The following ATXN1 variants were observed in gnomAD, a reference collection of about 807,000 sequenced individuals.
ATXN1 encodes ataxin-1.
Under a neutral mutation model 56.4 loss-of-function variants are expected in ATXN1, and 8 were observed. The observed-to-expected ratio is 0.14, with a 90% CI of 0.08 to 0.26. The LOEUF is 0.26. ATXN1 is among the 10% of genes least tolerant of loss of function. The pLI is 1.00. For missense variants in ATXN1, 987 were observed against 1,106.5 expected, an observed-to-expected ratio of 0.89 and a Z score of 1.53; for synonymous variants, 514 against 494.6, an observed-to-expected ratio of 1.04 and a Z score of -0.52.
At chr6:16,371,285 T>C (rs1762035462) in intron 6 of ATXN1, among the ~76,000 whole-genome samples, 1 of 152,052 alleles carries the variant, frequency 6.6e-6, no homozygotes, top group Non-Finnish European at 1.5e-5. Flanking sequence ...TAGGAGCTAA[T>C]ACATGAGATA....
At chr6:16,589,743 G>A (rs1762689719) in intron 3 of ATXN1, among the ~76,000 whole-genome samples, 1 of 152,120 alleles carries the variant, frequency 6.6e-6, no homozygotes, top group African/African-American at 2.4e-5. Flanking sequence ...CAACTAAGCT[G>A]AATTTACAAC....
intron 6 of ATXN1, among the ~76,000 whole-genome samples, chr6:16,332,789 T>C (rs1179960383): frequency 6.6e-6 from 1 of 152,214 alleles, no homozygotes; most frequent in Non-Finnish European, 1.5e-5. Context: ...TAACTATCTC[T>C]CTATCATAAT....
At chr6:16,316,866 T>TTTTTTTTTTTTTTTTTTTTTTTTG (rs1760523615) in intron 7 of ATXN1, among the ~76,000 whole-genome samples, 1 of 35,092 alleles carries the variant, frequency 2.8e-5, no homozygotes, top group Non-Finnish European at 6.7e-5. Flanking sequence ...ACTGCCTGTC[T>TTTTTTTTTTTTTTTTTTTTTTTTG]TTTTTTTTTT....
In ATXN1 at chr6:16,326,904, C is replaced by T; in HGVS notation, c.1407G>A (p.Gln469=). 1.2e-6 allele frequency: 2 copies of T among 1,613,230 alleles called. No homozygotes were observed. The highest frequency in any genetic ancestry group is 1.7e-6 in the Non-Finnish European group (2 of 1,179,456). ...PPVIGYLSGQ[Q]QAITYAGSLP... ...GGCTGCCGGCGTAGGTGATTGCTTG[C>T]TGCTGGCCGCTCAGGTAGCCGATGA... Residue 469 remains glutamine (Q), a synonymous_variant, in exon 7 of 8, where the codon CAG becomes CAA. Coordinates refer to ENST00000436367, the MANE Select transcript of ATXN1 (RefSeq NM_001128164.2). This position sits in a 1 kb window ranked among gnomAD's most constrained non-coding sequence, Gnocchi z 6.6.
At chr6:16,376,972 T>G (rs116525777) in intron 6 of ATXN1, among the ~76,000 whole-genome samples, 260 of 152,268 alleles carry the variant, frequency 1.7e-3, no homozygotes, top group African/African-American at 5.9e-3. Flanking sequence ...CAATCTAGCT[T>G]CAAAATGGTT....
At chr6:16,335,609 T>A (rs923265432) in intron 6 of ATXN1, among the ~76,000 whole-genome samples, 1 of 152,226 alleles carries the variant, frequency 6.6e-6, no homozygotes, top group African/African-American at 2.4e-5. Context: ...GTGGGTTGAA[T>A]GGTAGATCCC....
chr6:16,543,147 G>T (rs995466977), intron 4 of ATXN1, among the ~76,000 whole-genome samples: 1 of 152,144 alleles, frequency 6.6e-6, no homozygotes, highest in African/African-American at 2.4e-5. Flanking sequence ...TTTACAAAAT[G>T]CGAGACAAGC....
chr6:16,425,887 C>G (rs1309183729), intron 6 of ATXN1, among the ~76,000 whole-genome samples: 2 of 152,120 alleles, frequency 1.3e-5, no homozygotes, highest in Non-Finnish European at 2.9e-5. Context: ...CCAGAACAAA[C>G]AAAGTGTGCA....
rs57446118 is a variant in ATXN1 at position 16,529,208 on chromosome 6, G to GT, written c.-360-6521dup. 6.7e-3 allele frequency among the ~76,000 whole-genome samples: 825 copies of GT among 123,270 alleles called. 5 individuals are homozygous for GT. The highest frequency in any genetic ancestry group is 0.017 in the East Asian group (76 of 4,402). 80.9% of individuals were successfully genotyped at this position (123,270 alleles called of 152,430 possible). ...AAAAAAATCTTTGTCAGGGTTTTTT[G>GT]TTTTTTTTTTTTTTTTGTGAAGATA... is the stretch of plus-strand genomic sequence containing the variant. On this transcript the variant is annotated intron_variant, in intron 4 of 7. Coordinates refer to ENST00000436367, the MANE Select transcript of ATXN1 (RefSeq NM_001128164.2).
At chr6:16,599,161 G>A (rs1762868909) in intron 3 of ATXN1, among the ~76,000 whole-genome samples, 1 of 152,170 alleles carries the variant, frequency 6.6e-6, no homozygotes, top group Non-Finnish European at 1.5e-5. Context: ...CTATGCATCA[G>A]TACCTCCACA....
intron 2 of ATXN1, among the ~76,000 whole-genome samples, chr6:16,673,095 A>G (rs560456728): frequency 1.5e-4 from 23 of 152,154 alleles, no homozygotes; most frequent in African/African-American, 4.8e-4. Context: ...TAGAGTCCCT[A>G]CAGAGAATGA....
At chr6:16,682,044 C>T (rs908904297) in intron 2 of ATXN1, among the ~76,000 whole-genome samples, 2 of 151,972 alleles carry the variant, frequency 1.3e-5, no homozygotes, top group South Asian at 2.1e-4. Flanking sequence ...GTTCTCCTTC[C>T]GAATGCCCCC....
At chr6:16,347,047 T>C (rs1402663965) in intron 6 of ATXN1, among the ~76,000 whole-genome samples, 1 of 152,214 alleles carries the variant, frequency 6.6e-6, no homozygotes, top group African/African-American at 2.4e-5. Flanking sequence ...CTGTGCTCAA[T>C]TTCTCGCCAG....
chr6:16,578,100 T>C (rs937397763), intron 4 of ATXN1, among the ~76,000 whole-genome samples: 1 of 152,222 alleles, frequency 6.6e-6, no homozygotes, highest in African/African-American at 2.4e-5. Context: ...TAGTAGACTC[T>C]ATAAATTCTG....
At chr6:16,594,920 C>CA (rs1163651114) in intron 3 of ATXN1, among the ~76,000 whole-genome samples, 5 of 152,190 alleles carry the variant, frequency 3.3e-5, no homozygotes, top group Non-Finnish European at 7.3e-5. Context: ...TTACCACCTT[C>CA]AAACATGGCA....
intron 3 of ATXN1, among the ~76,000 whole-genome samples, chr6:16,647,902 C>A (rs1328945741): frequency 6.6e-6 from 1 of 152,056 alleles, no homozygotes. Context: ...ACGGTGAGAC[C>A]CCCTCTCTAC....
intron 3 of ATXN1, among the ~76,000 whole-genome samples, chr6:16,606,227 G>A (rs952725706): frequency 6.6e-5 from 10 of 152,166 alleles, no homozygotes; most frequent in African/African-American, 2.2e-4. Context: ...AGAACACCTA[G>A]CACAGGACAT....
chr6:16,420,456 T>C (rs940070838), intron 6 of ATXN1, among the ~76,000 whole-genome samples: 4 of 152,196 alleles, frequency 2.6e-5, no homozygotes, highest in Non-Finnish European at 5.9e-5. Flanking sequence ...TTAGACAATA[T>C]AGAGTATTAG....
At chr6:16,752,300 TG>T (rs1581423432) in intron 2 of ATXN1, among the ~76,000 whole-genome samples, 1 of 152,338 alleles carries the variant, frequency 6.6e-6, no homozygotes, top group East Asian at 1.9e-4. Flanking sequence ...GAAGAGTTGC[TG>T]GAAGACCGGC....
Sources: gnomAD v4.1 joint callset for allele counts (sites outside exome capture counted in the v4.1 genomes callset) on GRCh38, gnomAD v4.1.1 for gene constraint, Gnocchi (gnomAD v3.1) non-coding constraint, MANE v1.5 for transcripts, NCBI Gene and HGNC (gene_info 2026-07-23, HGNC 2026-07-21) for gene names.